GRIN3A: variants seen among roughly 807,000 people sequenced by gnomAD.
GRIN3A encodes the protein glutamate ionotropic receptor NMDA type subunit 3A.
Under a neutral mutation model 92.4 loss-of-function variants are expected in GRIN3A, and 47 were observed. The observed-to-expected ratio is 0.51, with a 90% confidence interval of 0.40 to 0.65. The LOEUF (loss-of-function observed/expected upper bound fraction) is 0.65. GRIN3A is among the 30% of genes least tolerant of loss of function. The probability of loss-of-function intolerance (pLI) is 0.00; values close to 1 mark genes in which losing one functional copy is unlikely to be tolerated. For synonymous variants in GRIN3A, 527 were observed against 540.6 expected, an observed-to-expected ratio of 0.97 and a Z score of 0.35; for missense variants, 1,324 against 1,393.1, an observed-to-expected ratio of 0.95 and a Z score of 0.79.
intron 1 of GRIN3A, among the ~76,000 whole-genome samples, chr9:101,712,597 C>T (rs966402503): frequency 6.6e-6 from 1 of 152,168 alleles, no homozygotes; most frequent in East Asian, 1.9e-4. Flanking sequence ...CAATAAAATG[C>T]AGGAACTGAT....
chr9:101,612,061 A>G (rs540664106), intron 6 of GRIN3A, among the ~76,000 whole-genome samples: 31 of 152,300 alleles, frequency 2.0e-4, no homozygotes, highest in Admixed American at 1.7e-3. Context: ...TTTTTGTCCC[A>G]TTAACATGGG....
intron 6 of GRIN3A, among the ~76,000 whole-genome samples, chr9:101,596,753 C>T (rs7858998): frequency 0.22 from 34,198 of 152,128 alleles, 3,905 homozygotes; most frequent in Middle Eastern, 0.31. Flanking sequence ...CTCTAAGAAG[C>T]TTAACATGAA....
At chr9:101,661,990 A>G (rs541056406) in intron 3 of GRIN3A, among the ~76,000 whole-genome samples, 53 of 152,022 alleles carry the variant, frequency 3.5e-4, no homozygotes, top group African/African-American at 1.2e-3. Context: ...GCATTTATTT[A>G]TTTCCTGAAT....
At chr9:101,620,760 C>T (rs111737360) in intron 5 of GRIN3A, among the ~76,000 whole-genome samples, 5 of 152,148 alleles carry the variant, frequency 3.3e-5, no homozygotes, top group African/African-American at 1.2e-4. Flanking sequence ...CCAAGTATTG[C>T]TCATACACCG....
chr9:101,577,703 A>T (rs969561693), intron 8 of GRIN3A, 65 bp downstream of exon 8: 86 of 1,138,438 alleles, frequency 7.6e-5, no homozygotes, highest in Admixed American at 1.7e-5. Flanking sequence ...CTGAATAATT[A>T]TACAGTTAGA....
intron 3 of GRIN3A, among the ~76,000 whole-genome samples, chr9:101,628,739 A>C (rs1273158080): frequency 1.3e-5 from 2 of 152,266 alleles, no homozygotes; most frequent in Non-Finnish European, 2.9e-5. Flanking sequence ...CAAAGTGTAC[A>C]TTCATAATAA....
At chr9:101,674,897 T>C (rs1288235909) in intron 2 of GRIN3A, among the ~76,000 whole-genome samples, 1 of 152,034 alleles carries the variant, frequency 6.6e-6, no homozygotes, top group African/African-American at 2.4e-5. Context: ...AACTAGACTA[T>C]GGAGGCCTCA....
At chr9:101,677,359 A>AT (rs1236790748) in intron 2 of GRIN3A, among the ~76,000 whole-genome samples, 3 of 149,936 alleles carry the variant, frequency 2.0e-5, no homozygotes, top group East Asian at 3.9e-4. Context: ...ATTTTATTTT[A>AT]TTTTTTCTGA....
At chr9:101,727,207 A>G (rs1830090842) in intron 1 of GRIN3A, among the ~76,000 whole-genome samples, 1 of 152,204 alleles carries the variant, frequency 6.6e-6, no homozygotes, top group Admixed American at 6.5e-5. Context: ...TCAAAGGCAA[A>G]CTATCTAGCC....
chr9:101,682,759 G>A (rs1588280790), intron 2 of GRIN3A, among the ~76,000 whole-genome samples: 1 of 152,196 alleles, frequency 6.6e-6, no homozygotes, highest in East Asian at 1.9e-4. Context: ...GAGGCGGGCG[G>A]ATCATGAGGT....
chr9:101,610,233 A>G (rs1447145187), intron 6 of GRIN3A, among the ~76,000 whole-genome samples: 1 of 152,230 alleles, frequency 6.6e-6, no homozygotes, highest in Non-Finnish European at 1.5e-5. Context: ...TTACAGGGTC[A>G]TAGTGAGAAC....
chr9:101,655,508 G>A (rs1479895330), intron 3 of GRIN3A, among the ~76,000 whole-genome samples: 1 of 151,906 alleles, frequency 6.6e-6, no homozygotes, highest in African/African-American at 2.4e-5. Flanking sequence ...GCTGAGCAAA[G>A]CTTTGAGAGC....
chr9:101,669,582 G>T (rs1039280787), intron 3 of GRIN3A, among the ~76,000 whole-genome samples: 66 of 152,182 alleles, frequency 4.3e-4, no homozygotes, highest in Middle Eastern at 3.4e-3. Flanking sequence ...TGACTTTGGT[G>T]CTTATAATAA....
At chr9:101,668,336 C>T (rs962622877) in intron 3 of GRIN3A, among the ~76,000 whole-genome samples, 1 of 151,802 alleles carries the variant, frequency 6.6e-6, no homozygotes, top group Non-Finnish European at 1.5e-5. Context: ...AAGATAATGG[C>T]CTGAAATCTC....
Position 101,582,008 on chromosome 9 carries a change from A to T in GRIN3A, c.2767-2648T>A, listed in dbSNP as rs374087302. ...AACAAAGAAGTTCAATAACTTGTCCAAGGTCACATAGCTCGTGAAGGTTAG... is the reference window on the plus strand; with the variant it reads ...AACAAAGAAGTTCAATAACTTGTCCTAGGTCACATAGCTCGTGAAGGTTAG... On this transcript the variant is annotated intron_variant, in intron 6 of 8. Transcript: ENST00000361820. Among the ~76,000 whole-genome samples the T allele has an allele frequency of 5.3e-5, 8 of 152,320 alleles. No homozygotes were observed. In the South Asian group the frequency reaches 1.7e-3, roughly 32 times the overall value.
intron 1 of GRIN3A, among the ~76,000 whole-genome samples, chr9:101,706,403 G>A (rs932936598): frequency 2.1e-4 from 32 of 152,290 alleles, no homozygotes; most frequent in Non-Finnish European, 3.8e-4. Context: ...GGAGGAACAT[G>A]AATTTCTGAC....
chr9:101,729,230 T>C (rs1830111892), intron 1 of GRIN3A, among the ~76,000 whole-genome samples: 1 of 152,208 alleles, frequency 6.6e-6, no homozygotes, highest in Admixed American at 6.5e-5. Context: ...TGGGCAATTG[T>C]ATTCATTTCT....
intron 6 of GRIN3A, among the ~76,000 whole-genome samples, chr9:101,587,309 C>CA (rs113147915): frequency 0.18 from 18,116 of 99,586 alleles, 1,459 homozygotes; most frequent in Middle Eastern, 0.24. Context: ...GACTCCATCT[C>CA]AAAAAAAAAA....
intron 6 of GRIN3A, chr9:101,594,641 A>G (rs765137583): frequency 1.9e-6 from 3 of 1,614,134 alleles, no homozygotes; most frequent in South Asian, 1.1e-5. Flanking sequence ...GCTGAACGCA[A>G]ACCTCAACTT....
Sources: allele counts gnomAD v4.1 joint callset (sites outside exome capture counted in the v4.1 genomes callset), GRCh38; gene constraint gnomAD v4.1.1; transcripts MANE v1.5; gene names NCBI Gene and HGNC (gene_info 2026-07-23, HGNC 2026-07-21).